The following CSMD1 variants were observed in gnomAD, a reference collection of about 807,000 sequenced individuals.
The protein encoded by CSMD1 is CUB and Sushi multiple domains 1.
In CSMD1, 213 loss-of-function variants were observed where a neutral mutation model predicts 417.5. That is an observed-to-expected ratio of 0.51 (90% CI 0.46 to 0.57). The LOEUF is 0.57. Ranked by LOEUF, CSMD1 falls within the 20% of genes least tolerant of loss-of-function variation. The pLI is 0.00. For synonymous variants in CSMD1, 2,862 were observed against 1,736.8 expected (o/e 1.65, Z -16.11); for missense variants, 6,923 against 4,529.7 (o/e 1.53, Z -15.17).
intron 3 of CSMD1, among the ~76,000 whole-genome samples, chr8:4,308,875 G>A (rs1413627629): frequency 1.3e-5 from 2 of 152,070 alleles, no homozygotes; most frequent in East Asian, 1.9e-4. Flanking sequence ...TTATATTATA[G>A]CTATAAACAC....
At chr8:4,550,926 T>C (rs768487640) in intron 2 of CSMD1, among the ~76,000 whole-genome samples, 4 of 152,146 alleles carry the variant, frequency 2.6e-5, no homozygotes, top group Non-Finnish European at 4.4e-5. Context: ...CTCAAGTTAG[T>C]TTCCTGAGTA....
At chr8:4,662,604 G>T (rs1046112214) in intron 1 of CSMD1, among the ~76,000 whole-genome samples, 1 of 152,122 alleles carries the variant, frequency 6.6e-6, no homozygotes, top group Non-Finnish European at 1.5e-5. Flanking sequence ...CAGTCTTGAC[G>T]GCTACGATTT....
At chr8:4,542,967 A>G (rs940965242) in intron 2 of CSMD1, among the ~76,000 whole-genome samples, 2 of 152,184 alleles carry the variant, frequency 1.3e-5, no homozygotes, top group South Asian at 4.1e-4. Flanking sequence ...CATATTTGCA[A>G]TTTATAACCA....
At chr8:4,192,154 C>T (rs1799068854) in intron 3 of CSMD1, among the ~76,000 whole-genome samples, 1 of 152,034 alleles carries the variant, frequency 6.6e-6, no homozygotes, top group Admixed American at 6.5e-5. Flanking sequence ...CTCCAGTGCA[C>T]CAATAGGCAT....
intron 3 of CSMD1, among the ~76,000 whole-genome samples, chr8:4,085,917 G>A (rs779840239): frequency 6.6e-6 from 1 of 152,126 alleles, no homozygotes; most frequent in South Asian, 2.1e-4. Flanking sequence ...CATTGCGTAA[G>A]GATGGAAGGG....
At chr8:4,951,647 TG>T (rs1808757753) in intron 1 of CSMD1, among the ~76,000 whole-genome samples, 4 of 151,394 alleles carry the variant, frequency 2.6e-5, no homozygotes, top group Non-Finnish European at 5.9e-5. Flanking sequence ...GACTGTGAAA[TG>T]TTTTATCTGG....
chr8:4,779,607 G>C (rs76723762), intron 1 of CSMD1, among the ~76,000 whole-genome samples: 1 of 152,340 alleles, frequency 6.6e-6, no homozygotes, highest in African/African-American at 2.4e-5. Context: ...AGCATTAGCT[G>C]TACGCCTCCA....
chr8:3,155,794 A>G (rs1819492807), intron 39 of CSMD1, among the ~76,000 whole-genome samples: 1 of 152,154 alleles, frequency 6.6e-6, no homozygotes, highest in Admixed American at 6.5e-5. Context: ...TATATTTTTC[A>G]CTTGTAAGCA....
At chr8:3,709,689 T>C (rs1439221707) in intron 6 of CSMD1, among the ~76,000 whole-genome samples, 1 of 117,672 alleles carries the variant, frequency 8.5e-6, no homozygotes, top group East Asian at 2.3e-4. Context: ...TGTTTTTTTT[T>C]TTTTTTTTTT....
At chr8:3,930,514 G>A (rs1208539358) in intron 5 of CSMD1, among the ~76,000 whole-genome samples, 3 of 150,224 alleles carry the variant, frequency 2.0e-5, no homozygotes, top group Non-Finnish European at 4.4e-5. Context: ...GTTCTCCTCT[G>A]CCTTTGCCTC....
At chr8:4,672,860 T>A (rs1359654736) in intron 1 of CSMD1, among the ~76,000 whole-genome samples, 1 of 151,924 alleles carries the variant, frequency 6.6e-6, no homozygotes, top group Non-Finnish European at 1.5e-5. Flanking sequence ...CACATATGCA[T>A]GCATACATGG....
intron 23 of CSMD1, among the ~76,000 whole-genome samples, chr8:3,312,820 C>G (rs940013804): frequency 2.6e-5 from 4 of 152,132 alleles, no homozygotes; most frequent in Middle Eastern, 3.2e-3. Context: ...AGACTTCAAT[C>G]TGGTGTTTCA....
chr8:4,566,887 T>C (rs1798639236), intron 2 of CSMD1, among the ~76,000 whole-genome samples: 1 of 35,368 alleles, frequency 2.8e-5, no homozygotes, highest in Non-Finnish European at 7.6e-5. Flanking sequence ...TGGCTGAATG[T>C]TTTCCAGCAA....
chr8:4,400,938 CTTTA>C (rs1160834701), intron 3 of CSMD1, among the ~76,000 whole-genome samples: 11 of 126,696 alleles, frequency 8.7e-5, no homozygotes, highest in Non-Finnish European at 1.3e-4. Flanking sequence ...AACTTCACAA[CTTTA>C]TTTTAGATAA....
intron 8 of CSMD1, among the ~76,000 whole-genome samples, chr8:3,586,548 T>A (rs1347008370): frequency 6.6e-6 from 1 of 152,022 alleles, no homozygotes; most frequent in Non-Finnish European, 1.5e-5. Flanking sequence ...CAAAAATGAC[T>A]TCACTGAATA....
chr8:3,194,283 T>C (rs1334397380), intron 33 of CSMD1, among the ~76,000 whole-genome samples: 1 of 152,142 alleles, frequency 6.6e-6, no homozygotes, highest in Non-Finnish European at 1.5e-5. Flanking sequence ...TCAAAACATG[T>C]ATTTGCCTGC....
chr8:4,173,277 T>C (rs1429673147), intron 3 of CSMD1, among the ~76,000 whole-genome samples: 1 of 152,206 alleles, frequency 6.6e-6, no homozygotes, highest in Non-Finnish European at 1.5e-5. Context: ...ATTTTAAAAA[T>C]GTTCTTTGTC....
intron 41 of CSMD1, among the ~76,000 whole-genome samples, chr8:3,131,135 C>T (rs1163981493): frequency 1.3e-5 from 2 of 152,164 alleles, no homozygotes; most frequent in East Asian, 3.9e-4. Context: ...GGAAACCAGC[C>T]ATTTTAAAAT....
intron 2 of CSMD1, among the ~76,000 whole-genome samples, chr8:4,448,452 A>G (rs1418204596): frequency 1.3e-5 from 2 of 152,198 alleles, no homozygotes; most frequent in East Asian, 1.9e-4. Flanking sequence ...CTGTGGAGCT[A>G]TTTTCCCTTA....
Sources: gnomAD v4.1 joint callset for allele counts (sites outside exome capture counted in the v4.1 genomes callset) on GRCh38, gnomAD v4.1.1 for gene constraint, MANE v1.5 for transcripts, NCBI Gene and HGNC (gene_info 2026-07-23, HGNC 2026-07-21) for gene names.